Variants in SCAP observed in about 807,000 individuals in gnomAD.
SCAP encodes the protein SREBF chaperone, also known as sterol regulatory element-binding protein cleavage-activating protein.
Under a neutral mutation model 123.6 loss-of-function variants are expected in SCAP, and 65 were observed. That is an observed-to-expected ratio of 0.53 (90% CI 0.43 to 0.65). The LOEUF (loss-of-function observed/expected upper bound fraction) is 0.65, where lower values mean the gene tolerates loss of function less well. Among genes scored for constraint, SCAP ranks in the 30% least tolerant of loss-of-function variants. The pLI is 0.00. For synonymous variants in SCAP, 740 were observed against 726.3 expected, an observed-to-expected ratio of 1.02 and a Z score of -0.30; for missense variants, 1,398 against 1,712.5, an observed-to-expected ratio of 0.82 and a Z score of 3.24.
intron 16 of SCAP, 22 bp downstream of exon 16, chr3:47,418,112 A>G (rs1174150152): frequency 5.9e-6 from 9 of 1,534,512 alleles, no homozygotes; most frequent in South Asian, 1.2e-5. Flanking sequence ...GGCACAAAGG[A>G]GGAAAGGGCA....
In SCAP at chr3:47,451,628, G is replaced by C. The variant is rs1707235724; in HGVS notation, c.-98-8537C>G. Among the ~76,000 whole-genome samples, 11 of 122,580 alleles carry C rather than the reference G, an allele frequency of 9.0e-5. 4 individuals carry two copies. The South Asian group carries it at 3.1e-3, about 35-fold the overall frequency. 80.4% of individuals were successfully genotyped at this position (122,580 alleles called of 152,430 possible). ...TGCCCAGGCTGGTCTTAAACTCTTA[G>C]ACTCCAGCAATCCTCCTGCCTCAGC... On this transcript the variant is annotated intron_variant, in intron 1 of 22. Transcript: ENST00000265565.
At position 47,418,502 on chromosome 3, in the gene SCAP, G is replaced by T; in HGVS notation, c.2150C>A (p.Ala717Asp). 1 of 1,596,210 alleles carries T rather than the reference G, an allele frequency of 6.3e-7. No individual in the cohort carries two copies. The highest frequency in any genetic ancestry group is 8.5e-7 in the Non-Finnish European group (1 of 1,172,762). The change falls in exon 15 of 23, where the codon GCC (alanine) becomes GAC (aspartate). Residue 717 changes from alanine to aspartate, a missense_variant. By Grantham distance (126) the Ala-to-Asp change is moderately radical (BLOSUM62 -2). Coordinates refer to ENST00000265565, the MANE Select transcript of SCAP (RefSeq NM_012235.4). ...TLYKVAALGLATGIVLVLLLL... is the reference protein window; with the variant it reads ...TLYKVAALGLDTGIVLVLLLL... ...CAGCAGCACCAAGACGATGCCGGTG[G>T]CCAGGCCCAGCGCCGCCACCCTGCA... is the stretch of plus-strand genomic sequence containing the variant.
intron 2 of SCAP, among the ~76,000 whole-genome samples, chr3:47,438,444 T>C (rs1428404673): frequency 1.3e-5 from 2 of 151,744 alleles, no homozygotes; most frequent in Admixed American, 1.3e-4. Flanking sequence ...TCAGAATTCA[T>C]TTAGGGCTGC....
intron 2 of SCAP, 87 bp downstream of exon 2, chr3:47,442,785 G>A (rs1706856058): frequency 1.6e-6 from 2 of 1,231,672 alleles, no homozygotes; most frequent in Admixed American, 3.7e-5. Flanking sequence ...AGCATACAGA[G>A]GCCAAGGGCT....
In SCAP at chr3:47,417,731, G is replaced by A. The variant is rs2107763693; in HGVS notation, c.2543C>T (p.Pro848Leu). ...SDGGKAGPEE[P>L]GDSPPLRHRP... ...GTGTCTCAGGGGAGGGCTGTCCCCA[G>A]GCTCCTCTGGACCAGCCTTCCCACC... The change falls in exon 17 of 23, where the codon CCT becomes CTT. Residue 848 changes from proline (P) to leucine (L), a missense_variant. Physicochemically the swap from Pro to Leu is moderately conservative, Grantham distance 98. Around this residue, in one of 7 missense-constraint regions of SCAP, gnomAD observed 828 missense variants for 882.5 expected, o/e 0.94. Transcript: ENST00000265565. 1 of 1,608,030 alleles carries A rather than the reference G, an allele frequency of 6.2e-7. No individual in the cohort carries two copies. The highest frequency in any genetic ancestry group is 8.5e-7 in the Non-Finnish European group (1 of 1,178,706).
chr3:47,469,602 A>G (rs938710794), intron 1 of SCAP, among the ~76,000 whole-genome samples: 4 of 152,126 alleles, frequency 2.6e-5, no homozygotes, highest in African/African-American at 9.7e-5. Flanking sequence ...CAAGTGATCC[A>G]CCCACCTTGG....
intron 1 of SCAP, among the ~76,000 whole-genome samples, chr3:47,458,612 T>C (rs1441974634): frequency 1.3e-5 from 2 of 152,186 alleles, no homozygotes; most frequent in Non-Finnish European, 2.9e-5. Flanking sequence ...GACCAAATTA[T>C]ATTAGTTGGT....
intron 3 of SCAP, among the ~76,000 whole-genome samples, chr3:47,432,562 A>G (rs1279572478): frequency 6.6e-6 from 1 of 152,184 alleles, no homozygotes; most frequent in Non-Finnish European, 1.5e-5. Flanking sequence ...ACGAGTGCTG[A>G]ACTCAGCAGT....
chr3:47,427,072 G>A, intron 6 of SCAP, 85 bp downstream of exon 6: 1 of 952,220 alleles, frequency 1.1e-6, no homozygotes, highest in East Asian at 2.4e-5. Context: ...GGGGCATTCA[G>A]AACACTCTAA....
At position 47,420,474 on chromosome 3, in the gene SCAP, A is replaced by G. The variant is rs1705842133; in HGVS notation, c.1563+80T>C. 5.3e-6 allele frequency: 7 copies of G among 1,313,448 alleles called. No homozygotes were observed. Among genetic ancestry groups the G allele is most frequent in the Middle Eastern group, 2.7e-4 (1 of 3,688 alleles). 81.4% of individuals were successfully genotyped at this position (1,313,448 alleles called of 1,614,324 possible). A position where few individuals can be genotyped will look rare whatever the true frequency, so the allele number is the denominator to read the frequency against. On this transcript the variant is annotated intron_variant, in intron 12 of 22. Transcript: ENST00000265565. This position sits in a 1 kb window ranked among gnomAD's most constrained non-coding sequence, Gnocchi z 5.0. The stretch of plus-strand genomic sequence containing the variant: ...CCTGAGGAATACCCTTTGCCACTCT[A>G]AGGCCAAGTGCAGCACCACAAGGGG...
rs371389974 is a variant in SCAP at position 47,471,709 on chromosome 3, T to C, written c.-99+4090A>G. Among the ~76,000 whole-genome samples, 6 of 152,220 alleles carry C rather than the reference T, an allele frequency of 3.9e-5. No individual in the cohort carries two copies. In the East Asian group the frequency reaches 7.7e-4, roughly 20 times the overall value. The stretch of plus-strand genomic sequence containing the variant: ...TTTTATGCTTTCTGAAAATGCTAAA[T>C]ATCAAATAAGCCACTGGTTCCCAAA... On this transcript the variant is annotated intron_variant, in intron 1 of 22. Transcript: ENST00000265565.
At chr3:47,461,126 C>T (rs770784740) in intron 1 of SCAP, among the ~76,000 whole-genome samples, 10 of 152,116 alleles carry the variant, frequency 6.6e-5, no homozygotes, top group Non-Finnish European at 1.2e-4. Flanking sequence ...ATCCTGCTCA[C>T]CGCTGGCCCT....
chr3:47,414,205 C>T lies in SCAP; in HGVS notation c.3569G>A (p.Gly1190Asp). ...CTGCTGAATGGAGTAGAACTTGATG[C>T]CTGTGCTGCGGTCCCAGATGCTGAT... is the stretch of plus-strand genomic sequence containing the variant. ...DLISIWDRSTGIKFYSIQQDL... is the reference protein window; with the variant it reads ...DLISIWDRSTDIKFYSIQQDL... The change falls in exon 22 of 23, where the codon GGC becomes GAC. Residue 1190 changes from glycine to aspartate, a missense_variant. This residue lies in a region of SCAP where 130 missense variants were observed against 166.7 expected (regional missense o/e 0.78). Transcript: ENST00000265565. 6.2e-7 allele frequency: 1 copy of T among 1,613,728 alleles called. No homozygotes were observed.
chr3:47,474,005 C>T (rs1708169975), intron 1 of SCAP, among the ~76,000 whole-genome samples: 1 of 152,004 alleles, frequency 6.6e-6, no homozygotes, highest in Non-Finnish European at 1.5e-5. Flanking sequence ...GTGGCTCACG[C>T]CTGTAATCCC....
At chr3:47,433,369 G>A (rs1187572709) in intron 3 of SCAP, among the ~76,000 whole-genome samples, 2 of 152,072 alleles carry the variant, frequency 1.3e-5, no homozygotes, top group South Asian at 2.1e-4. Context: ...AGAGAGAGAG[G>A]AAATGGACAA....
intron 3 of SCAP, among the ~76,000 whole-genome samples, chr3:47,432,784 C>G (rs539214699): frequency 2.6e-4 from 40 of 152,242 alleles, no homozygotes; most frequent in African/African-American, 9.4e-4. Flanking sequence ...CTCAAGCGAT[C>G]CTCCTGCCTC....
In SCAP at chr3:47,427,082, A is replaced by C. The variant is rs531116469; in HGVS notation, c.737+75T>G. The C allele has an allele frequency of 9.5e-5, 101 of 1,061,720 alleles. No individual in the cohort carries two copies. In the South Asian group the frequency reaches 1.2e-3, roughly 13 times the overall value. 65.8% of individuals were successfully genotyped at this position (1,061,720 alleles called of 1,614,324 possible). ...TCCAGGGGGCATTCAGAACACTCTA[A>C]CCAGAAGAGGGACTACTCAAAGCCT... is the stretch of plus-strand genomic sequence containing the variant. On this transcript the variant is annotated intron_variant, in intron 6 of 22. Coordinates refer to ENST00000265565, the MANE Select transcript of SCAP (RefSeq NM_012235.4).
At chr3:47,466,745 T>C (rs896807556) in intron 1 of SCAP, among the ~76,000 whole-genome samples, 1 of 152,078 alleles carries the variant, frequency 6.6e-6, no homozygotes, top group African/African-American at 2.4e-5. Context: ...GATTGAAAAG[T>C]ATAGGCAACA....
intron 1 of SCAP, among the ~76,000 whole-genome samples, chr3:47,466,337 T>C (rs1336907456): frequency 6.6e-6 from 1 of 151,852 alleles, no homozygotes; most frequent in Non-Finnish European, 1.5e-5. Context: ...TATAAAACAA[T>C]AGAGAGCCCA....
Sources: gnomAD v4.1 joint callset for allele counts (sites outside exome capture counted in the v4.1 genomes callset) on GRCh38, gnomAD v4.1.1 for gene constraint, gnomAD v4.1.1 regional missense constraint, Gnocchi (gnomAD v3.1) non-coding constraint, MANE v1.5 for transcripts, NCBI Gene and HGNC (gene_info 2026-07-23, HGNC 2026-07-21) for gene names.